MTNR1A: variants seen among roughly 807,000 people sequenced by gnomAD.
The protein encoded by MTNR1A is melatonin receptor type 1A.
MTNR1A carries 7 observed loss-of-function variants against 5.5 expected under a neutral mutation model. The ratio of observed to expected loss-of-function variants is 1.28; its 90% CI spans 0.73 to 2.40. The LOEUF (loss-of-function observed/expected upper bound fraction) is 2.40, where lower values mean the gene tolerates loss of function less well. Ranked by LOEUF, MTNR1A falls within the 30% of genes most tolerant of loss-of-function variation. The pLI, the probability that MTNR1A is intolerant of heterozygous loss-of-function variation, is 0.00. For synonymous variants in MTNR1A, 196 were observed against 202.7 expected (o/e 0.97, Z 0.28); for missense variants, 441 against 464.4 (o/e 0.95, Z 0.46).
At chr4:186,545,670 A>G (rs1406212169) in intron 1 of MTNR1A, among the ~76,000 whole-genome samples, 2 of 152,180 alleles carry the variant, frequency 1.3e-5, no homozygotes, top group Non-Finnish European at 2.9e-5. Context: ...GTGGAAAGCA[A>G]GATTAGAGGC....
chr4:186,534,381 T>C lies in MTNR1A; in HGVS notation c.361A>G (p.Ile121Val). 13 of 1,614,120 alleles carry C rather than the reference T, an allele frequency of 8.1e-6. No homozygotes were observed. Among genetic ancestry groups the C allele is most frequent in the Non-Finnish European group, 1.1e-5 (13 of 1,180,016 alleles). The stretch of plus-strand genomic sequence containing the variant: ...ATGTAGCAGTAGCGGTTGATGGCGA[T>C]GCCGGTGATGTTGAATATGGAGCCG... The part of the protein sequence containing the change: ...VIGSIFNITG[I>V]AINRYCYICH... Residue 121 changes from isoleucine (I) to valine (V), a missense_variant, in exon 2 of 2, where the codon ATC (isoleucine) becomes GTC (valine). Coordinates refer to ENST00000307161, the MANE Select transcript of MTNR1A (RefSeq NM_005958.4).
chr4:186,542,126 C>T (rs1009663571), intron 1 of MTNR1A, among the ~76,000 whole-genome samples: 2 of 152,224 alleles, frequency 1.3e-5, no homozygotes, highest in African/African-American at 4.8e-5. Context: ...GATGCAGCCA[C>T]TGCTGCACTG....
chr4:186,536,681 A>G (rs1736859863), intron 1 of MTNR1A, among the ~76,000 whole-genome samples: 1 of 152,242 alleles, frequency 6.6e-6, no homozygotes, highest in Non-Finnish European at 1.5e-5. Flanking sequence ...AGCAGTCAAG[A>G]TGAGAGAAAG....
At chr4:186,544,419 C>A (rs1435517469) in intron 1 of MTNR1A, among the ~76,000 whole-genome samples, 1 of 152,166 alleles carries the variant, frequency 6.6e-6, no homozygotes, top group Non-Finnish European at 1.5e-5. Context: ...CTATCCTGGG[C>A]CAGACTCTTA....
chr4:186,537,436 T>A (rs571717853), intron 1 of MTNR1A, among the ~76,000 whole-genome samples: 21 of 152,342 alleles, frequency 1.4e-4, no homozygotes, highest in African/African-American at 4.1e-4. Context: ...TTTTTACAGA[T>A]ATCCAGGACT....
intron 1 of MTNR1A, among the ~76,000 whole-genome samples, chr4:186,545,645 C>T (rs1212061850): frequency 3.3e-5 from 5 of 152,122 alleles, no homozygotes; most frequent in Middle Eastern, 3.2e-3. Flanking sequence ...TCATTTCAGC[C>T]TGGACTTTAA....
intron 1 of MTNR1A, among the ~76,000 whole-genome samples, chr4:186,545,217 A>G (rs1010541369): frequency 6.6e-6 from 1 of 152,236 alleles, no homozygotes; most frequent in Non-Finnish European, 1.5e-5. Flanking sequence ...TAAAGAGGTC[A>G]CTGGCTTCTA....
At chr4:186,549,617 T>C (rs551493961) in intron 1 of MTNR1A, among the ~76,000 whole-genome samples, 147 of 152,280 alleles carry the variant, frequency 9.7e-4, no homozygotes, top group African/African-American at 3.4e-3. Flanking sequence ...CTTGAAAAAG[T>C]TTTCTGCTGT....
chr4:186,548,834 TATATATATATATAC>T lies in MTNR1A; in HGVS notation c.184+6334_184+6347del, dbSNP rs1294669310. On this transcript the variant is annotated intron_variant, in intron 1 of 1. Coordinates refer to ENST00000307161, the MANE Select transcript of MTNR1A (RefSeq NM_005958.4). The stretch of plus-strand genomic sequence containing the variant: ...AGATATATATATATATATATATATA[TATATATATATATAC>T]ACTATATATGTAAAACAATCTTTTA... Among the ~76,000 whole-genome samples the T allele has an allele frequency of 5.3e-3, 533 of 100,738 alleles. 16 individuals carry two copies. Among genetic ancestry groups the T allele is most frequent in the Middle Eastern group, 0.019 (4 of 206 alleles). 66.1% of individuals were successfully genotyped at this position (100,738 alleles called of 152,430 possible).
At chr4:186,541,916 G>A (rs541656606) in intron 1 of MTNR1A, among the ~76,000 whole-genome samples, 1 of 152,348 alleles carries the variant, frequency 6.6e-6, no homozygotes, top group African/African-American at 2.4e-5. Context: ...GGGCTCTGGG[G>A]AAGACGTAGC....
chr4:186,550,472 T>A (rs1737247125), intron 1 of MTNR1A, among the ~76,000 whole-genome samples: 1 of 152,238 alleles, frequency 6.6e-6, no homozygotes, highest in Admixed American at 6.5e-5. Flanking sequence ...TTCTGTTGAT[T>A]ATTTTTAAAA....
intron 1 of MTNR1A, among the ~76,000 whole-genome samples, chr4:186,545,159 C>T (rs770909363): frequency 6.6e-6 from 1 of 152,152 alleles, no homozygotes; most frequent in Non-Finnish European, 1.5e-5. Flanking sequence ...CTGTTTCTAG[C>T]AAACCTGAAA....
At chr4:186,549,137 G>C (rs1737217040) in intron 1 of MTNR1A, among the ~76,000 whole-genome samples, 1 of 151,956 alleles carries the variant, frequency 6.6e-6, no homozygotes, top group Non-Finnish European at 1.5e-5. Context: ...CCTATAGATG[G>C]ATATAGGAGG....
intron 1 of MTNR1A, among the ~76,000 whole-genome samples, chr4:186,544,700 C>A (rs1737100949): frequency 6.6e-6 from 1 of 152,160 alleles, no homozygotes; most frequent in Admixed American, 6.5e-5. Context: ...AATGATTAAC[C>A]CTGCGGACAC....
intron 1 of MTNR1A, among the ~76,000 whole-genome samples, chr4:186,546,125 C>T (rs968881008): frequency 6.6e-6 from 1 of 152,132 alleles, no homozygotes; most frequent in Middle Eastern, 3.2e-3. Flanking sequence ...TGCTTAGGGC[C>T]GTGGTGAGGA....
Position 186,534,486 on chromosome 4 carries a change from T to C in MTNR1A, c.256A>G (p.Met86Val), listed in dbSNP as rs1482902584. ...TTCCACCCGTTGTTAAATATCGACA[T>C]CAGCACCAACGGGTACGGATAAATG... is the stretch of plus-strand genomic sequence containing the variant. ...VAIYPYPLVLMSIFNNGWNLG... is the reference protein window; with the variant it reads ...VAIYPYPLVLVSIFNNGWNLG... The change falls in exon 2 of 2, where the codon ATG becomes GTG. Residue 86 changes from methionine (M) to valine (V), a missense_variant. Physicochemically the swap from Met to Val is conservative, Grantham distance 21. Coordinates refer to ENST00000307161, the MANE Select transcript of MTNR1A (RefSeq NM_005958.4). 1.2e-6 allele frequency: 2 copies of C among 1,614,060 alleles called. No homozygotes were observed. Among genetic ancestry groups the C allele is most frequent in the Non-Finnish European group, 1.7e-6 (2 of 1,180,004 alleles).
At chr4:186,539,086 G>T (rs1229553788) in intron 1 of MTNR1A, among the ~76,000 whole-genome samples, 1 of 151,866 alleles carries the variant, frequency 6.6e-6, no homozygotes, top group African/African-American at 2.4e-5. Context: ...GCGTGGTGGT[G>T]CGCACCTGTA....
At position 186,552,327 on chromosome 4, in the gene MTNR1A, G is replaced by C. The variant is rs1737280818; in HGVS notation, c.184+2855C>G. On this transcript the variant is annotated intron_variant, in intron 1 of 1. Coordinates refer to ENST00000307161, the MANE Select transcript of MTNR1A (RefSeq NM_005958.4). The stretch of plus-strand genomic sequence containing the variant: ...CACAGTTTTGTGGCACTCTAAGTTA[G>C]AACAAATCCGCTGTAGGTGAGAGCC... 2.0e-5 allele frequency among the ~76,000 whole-genome samples: 3 copies of C among 152,164 alleles called. 1 individual carries two copies. The South Asian group carries it at 6.2e-4, about 32-fold the overall frequency.
intron 1 of MTNR1A, among the ~76,000 whole-genome samples, chr4:186,540,005 G>C (rs180707792): frequency 6.6e-6 from 1 of 152,186 alleles, no homozygotes; most frequent in African/African-American, 2.4e-5. Flanking sequence ...ACAGTTCCAC[G>C]TGGCTGGGGA....
Sources: allele counts gnomAD v4.1 joint callset (sites outside exome capture counted in the v4.1 genomes callset), GRCh38; gene constraint gnomAD v4.1.1; transcripts MANE v1.5; gene names NCBI Gene and HGNC (gene_info 2026-07-23, HGNC 2026-07-21).